PDE1C: variants seen among roughly 807,000 people sequenced by gnomAD.
The protein encoded by PDE1C is phosphodiesterase 1C.
PDE1C carries 62 observed loss-of-function variants against 93.1 expected under a neutral mutation model. That is an observed-to-expected ratio of 0.67 (90% CI 0.54 to 0.82). The LOEUF (loss-of-function observed/expected upper bound fraction) is 0.82, where lower values mean the gene tolerates loss of function less well. PDE1C is among the 40% of genes least tolerant of loss of function. The probability of loss-of-function intolerance (pLI) is 0.00; values close to 1 mark genes in which losing one functional copy is unlikely to be tolerated. For synonymous variants in PDE1C, 325 were observed against 310.1 expected (o/e 1.05, Z -0.50); for missense variants, 742 against 884.6 (o/e 0.84, Z 2.04).
chr7:31,799,709 G>A (rs896550031), intron 16 of PDE1C, among the ~76,000 whole-genome samples: 16 of 151,622 alleles, frequency 1.1e-4, no homozygotes, highest in Admixed American at 5.3e-4. Context: ...TATAATGTAC[G>A]CAATAACCCT....
At chr7:32,225,125 G>T (rs1458235277) in intron 1 of PDE1C, among the ~76,000 whole-genome samples, 2 of 152,120 alleles carry the variant, frequency 1.3e-5, no homozygotes, top group Non-Finnish European at 2.9e-5. Context: ...TTCAAAGAAG[G>T]CAGTTTCTCA....
At position 32,090,673 on chromosome 7, in the gene PDE1C, G is replaced by A. The variant is rs1403998014; in HGVS notation, c.308+79112C>T. ...GATGCCCTTTTAGATGTCCTTGGAT[G>A]GATGTATCAAGGACACCCTTTAAGA... On this transcript the variant is annotated intron_variant, in intron 3 of 18. Transcript: ENST00000396193. Among the ~76,000 whole-genome samples, 10 of 152,168 alleles carry A rather than the reference G, an allele frequency of 6.6e-5. No individual in the cohort carries two copies. In the East Asian group the frequency reaches 1.9e-3, roughly 29 times the overall value.
chr7:31,683,259 T>A, the PDE1C span, among the ~76,000 whole-genome samples: 2 of 152,218 alleles, frequency 1.3e-5, no homozygotes, highest in Admixed American at 1.3e-4. Flanking sequence ...ACAAGGGATC[T>A]ATCTCTCTGT....
intron 2 of PDE1C, among the ~76,000 whole-genome samples, chr7:31,946,561 A>G (rs1806641725): frequency 6.6e-6 from 1 of 152,222 alleles, no homozygotes; most frequent in Non-Finnish European, 1.5e-5. Flanking sequence ...AATATGTTCC[A>G]TATGCTTCAA....
rs1286440806 is a variant in PDE1C at position 31,816,109 on chromosome 7, G to A, written c.1628C>T (p.Ala543Val). 40 of 1,613,766 alleles carry A rather than the reference G, an allele frequency of 2.5e-5. No homozygotes were observed. The highest frequency in any genetic ancestry group is 5.0e-5 in the Admixed American group (3 of 59,968). Residue 543 changes from alanine to valine, a missense_variant, in exon 15 of 18, where the codon GCA becomes GTA. By Grantham distance (64) the Ala-to-Val change is moderately conservative. This residue lies in a region of PDE1C where 454 missense variants were observed against 459.4 expected (regional missense o/e 0.99). Coordinates refer to ENST00000396191, the MANE Select transcript of PDE1C (RefSeq NM_001191057.4). ...TTCCATTTCCTTTTGCTGCTCCTCTGCGGCCAGGCGAGCCTTTTCCTCTGC... is the reference window on the plus strand; with the variant it reads ...TTCCATTTCCTTTTGCTGCTCCTCTACGGCCAGGCGAGCCTTTTCCTCTGC... ...KEAEEKARLA[A>V]EEQQKEMEAK...
At position 32,041,759 on chromosome 7, in the gene PDE1C, C is replaced by A. The variant is rs988570729; in HGVS notation, c.128+9795G>T. Among the ~76,000 whole-genome samples the A allele has an allele frequency of 2.6e-5, 4 of 152,144 alleles. No individual in the cohort carries two copies. In the South Asian group the frequency reaches 8.3e-4, roughly 31 times the overall value. On this transcript the variant is annotated intron_variant, in intron 2 of 17. Transcript: ENST00000396191. ...GAGGTGAGGATTTTTCCCTTTCAAT[C>A]ACATTACTTAAATATAGCTTGTTGT...
rs147741011 is a variant in PDE1C at position 32,125,164 on chromosome 7, C to T, written c.308+44621G>A. ...AGAGAAATGCAAATCAAAACCATAA[C>T]GAGATACCATCTCACGCCAGTCAGA... On this transcript the variant is annotated intron_variant, in intron 3 of 18. Coordinates refer to the PDE1C transcript ENST00000396193. Among the ~76,000 whole-genome samples, 392 of 152,084 alleles carry T rather than the reference C, an allele frequency of 2.6e-3. 6 individuals carry two copies. Among genetic ancestry groups the T allele is most frequent in the East Asian group, 0.02 (102 of 5,168 alleles).
At position 32,042,461 on chromosome 7, in the gene PDE1C, G is replaced by T. The variant is rs1182252264; in HGVS notation, c.128+9093C>A. On this transcript the variant is annotated intron_variant, in intron 2 of 17. Transcript: ENST00000396191. ...CTCAGATGAGTTACCTCTTTTCCAT[G>T]ACTTCCTTTTCTGTAAAACAGGATC... 1.3e-5 allele frequency among the ~76,000 whole-genome samples: 2 copies of T among 152,010 alleles called. 1 individual carries two copies. Among genetic ancestry groups the T allele is most frequent in the Admixed American group, 1.3e-4 (2 of 15,256 alleles).
At chr7:32,167,866 C>T (rs1402009711) in intron 3 of PDE1C, among the ~76,000 whole-genome samples, 2 of 152,100 alleles carry the variant, frequency 1.3e-5, no homozygotes, top group Admixed American at 1.3e-4. Flanking sequence ...GTAGGGTAAC[C>T]TTGATTATGC....
chr7:31,934,287 A>G (rs549076439), intron 2 of PDE1C, among the ~76,000 whole-genome samples: 6 of 152,304 alleles, frequency 3.9e-5, no homozygotes, highest in African/African-American at 1.4e-4. Flanking sequence ...TGATTCAAAA[A>G]ATGATTCAGT....
chr7:32,076,959 G>A (rs1052824017), intron 3 of PDE1C, among the ~76,000 whole-genome samples: 5 of 151,138 alleles, frequency 3.3e-5, no homozygotes, highest in South Asian at 2.1e-4. Flanking sequence ...AAACAGGGCC[G>A]GGCACAGTGG....
rs182855497 is a variant in PDE1C, at chr7:32,059,495, T to G, written c.102-7915A>C. 3.3e-5 allele frequency among the ~76,000 whole-genome samples: 5 copies of G among 152,202 alleles called. No homozygotes were observed. The East Asian group carries it at 9.7e-4, about 29-fold the overall frequency. On this transcript the variant is annotated intron_variant, in intron 1 of 17. Coordinates refer to ENST00000396191, the MANE Select transcript of PDE1C (RefSeq NM_001191057.4). The stretch of plus-strand genomic sequence containing the variant: ...CCTGTCCTCCCAAAGCAAGCCCCAC[T>G]CTTCACTGATCTCCCTCCGCATCCC...
the PDE1C span, among the ~76,000 whole-genome samples, chr7:31,681,906 G>A: frequency 3.3e-5 from 5 of 152,128 alleles, no homozygotes; most frequent in Admixed American, 3.3e-4. Context: ...TGAAATTTTA[G>A]CAAAATGTCC....
chr7:31,707,140 C>G, the PDE1C span: 1 of 1,473,332 alleles, frequency 6.8e-7, no homozygotes, highest in East Asian at 2.3e-5. Context: ...CTGTGTCTGT[C>G]TGCAACGTTG....
intron 15 of PDE1C, 79 bp downstream of exon 15, chr7:31,815,845 G>A: frequency 1.9e-6 from 2 of 1,067,804 alleles, no homozygotes; most frequent in Non-Finnish European, 2.9e-6. Context: ...GACCCCATCA[G>A]TAGGGTTGTT....
chr7:31,811,984 CA>C (rs1435373420), intron 15 of PDE1C, among the ~76,000 whole-genome samples: 1 of 152,116 alleles, frequency 6.6e-6, no homozygotes, highest in Non-Finnish European at 1.5e-5. Context: ...GTTGCCTGAG[CA>C]AAATCCATTA....
At chr7:32,362,061 C>T (rs1184225345) in intron 1 of PDE1C, among the ~76,000 whole-genome samples, 2 of 152,100 alleles carry the variant, frequency 1.3e-5, no homozygotes, top group Non-Finnish European at 2.9e-5. Context: ...ACAGAGGGGC[C>T]GGAATGTGGC....
chr7:32,005,572 A>AC (rs1786107561), intron 2 of PDE1C, among the ~76,000 whole-genome samples: 1 of 149,246 alleles, frequency 6.7e-6, no homozygotes, highest in Non-Finnish European at 1.5e-5. Flanking sequence ...AAAAAAAAAA[A>AC]AAAAAAAAAG....
At chr7:32,160,418 C>T (rs776348157) in intron 3 of PDE1C, among the ~76,000 whole-genome samples, 21 of 152,300 alleles carry the variant, frequency 1.4e-4, no homozygotes, top group African/African-American at 3.6e-4. Flanking sequence ...CCCTGTTACA[C>T]GGGTATTTCT....
Sources: allele counts gnomAD v4.1 joint callset (sites outside exome capture counted in the v4.1 genomes callset), GRCh38; gene constraint gnomAD v4.1.1; regional missense constraint gnomAD v4.1.1; transcripts MANE v1.5; gene names NCBI Gene and HGNC (gene_info 2026-07-23, HGNC 2026-07-21).